Variants in TIAM1 observed in about 807,000 individuals in gnomAD.
TIAM1 encodes the protein rho guanine nucleotide exchange factor TIAM1.
Under a neutral mutation model 163.5 loss-of-function variants are expected in TIAM1, and 65 were observed. The ratio of observed to expected loss-of-function variants is 0.40; its 90% CI spans 0.33 to 0.49. The LOEUF (loss-of-function observed/expected upper bound fraction) is 0.49, where lower values mean the gene tolerates loss of function less well. Ranked by LOEUF, TIAM1 falls within the 20% of genes least tolerant of loss-of-function variation. The pLI is 0.77. For missense variants in TIAM1, 1,789 were observed against 2,044.7 expected (o/e 0.87, Z 2.41); for synonymous variants, 833 against 810.1 (o/e 1.03, Z -0.48).
chr21:31,149,834 CTAACT>C (rs888702380), intron 19 of TIAM1, among the ~76,000 whole-genome samples: 3 of 152,154 alleles, frequency 2.0e-5, no homozygotes, highest in East Asian at 3.9e-4. Context: ...TACAATGAAC[CTAACT>C]TATTTCAAAT....
In TIAM1 at chr21:31,458,303, C is replaced by G. The variant is rs142395916; in HGVS notation, c.-369+5680G>C. Reference sequence around the variant, plus strand: ...GCATAGGGGGCGGGCGCCTGTAATCCCAGCTACTCAGGAGGCTGTGGCAGG... The same window carrying G: ...GCATAGGGGGCGGGCGCCTGTAATCGCAGCTACTCAGGAGGCTGTGGCAGG... On this transcript the variant is annotated intron_variant, in intron 2 of 28. Transcript: ENST00000286827. 4.6e-3 allele frequency among the ~76,000 whole-genome samples: 693 copies of G among 152,020 alleles called. 1 individual carries two copies. The highest frequency in any genetic ancestry group is 0.024 in the Middle Eastern group (7 of 294).
chr21:31,181,210 G>A (rs566138183), intron 15 of TIAM1, among the ~76,000 whole-genome samples: 1 of 152,258 alleles, frequency 6.6e-6, no homozygotes. Context: ...CTCTCTTGCT[G>A]AACAAGAAAG....
intron 1 of TIAM1, among the ~76,000 whole-genome samples, chr21:31,471,624 C>T (rs899044533): frequency 7.9e-5 from 12 of 152,004 alleles, no homozygotes; most frequent in Non-Finnish European, 1.8e-4. Context: ...AATCCCAGCA[C>T]TTTGGGAGGC....
chr21:31,156,032 TA>T (rs1484055706), intron 16 of TIAM1, among the ~76,000 whole-genome samples: 1 of 152,134 alleles, frequency 6.6e-6, no homozygotes, highest in African/African-American at 2.4e-5. Context: ...TCAGAAAAGC[TA>T]AAATCAAGTG....
chr21:31,546,063 TA>T (rs1190156532), intron 1 of TIAM1, among the ~76,000 whole-genome samples: 4 of 121,600 alleles, frequency 3.3e-5, no homozygotes, highest in African/African-American at 1.2e-4. Context: ...AAAATTGTTT[TA>T]ATTTATTTTA....
chr21:31,234,237 G>C (rs1307889941), intron 6 of TIAM1, among the ~76,000 whole-genome samples: 1 of 151,634 alleles, frequency 6.6e-6, no homozygotes, highest in African/African-American at 2.4e-5. Context: ...GGAGATGCAA[G>C]GGAATCTAAA....
intron 2 of TIAM1, among the ~76,000 whole-genome samples, chr21:31,427,649 T>G (rs1350532549): frequency 6.6e-6 from 1 of 151,570 alleles, no homozygotes; most frequent in Non-Finnish European, 1.5e-5. Flanking sequence ...TAACGAGACC[T>G]CATATCTATG....
At chr21:31,151,181 T>C (rs1253806237) in intron 19 of TIAM1, among the ~76,000 whole-genome samples, 4 of 152,074 alleles carry the variant, frequency 2.6e-5, no homozygotes, top group Non-Finnish European at 5.9e-5. Context: ...AAGTTAAACA[T>C]ACCCTTACCA....
At chr21:31,175,419 C>T (rs565851471) in intron 15 of TIAM1, among the ~76,000 whole-genome samples, 8 of 152,304 alleles carry the variant, frequency 5.3e-5, no homozygotes, top group Admixed American at 1.3e-4. Flanking sequence ...TTTGAAACTT[C>T]GGAAAGACAC....
At chr21:31,538,506 T>C (rs993744718) in intron 1 of TIAM1, among the ~76,000 whole-genome samples, 14 of 152,212 alleles carry the variant, frequency 9.2e-5, no homozygotes, top group Non-Finnish European at 1.9e-4. Flanking sequence ...AGTAAATATA[T>C]ACATAATGTT....
intron 1 of TIAM1, among the ~76,000 whole-genome samples, chr21:31,501,003 C>T (rs2046829155): frequency 6.6e-6 from 1 of 152,170 alleles, no homozygotes; most frequent in Non-Finnish European, 1.5e-5. Context: ...TAATAAATAA[C>T]ATTTCAGGAA....
intron 8 of TIAM1, among the ~76,000 whole-genome samples, chr21:31,220,010 G>C (rs2087468898): frequency 6.6e-6 from 1 of 152,172 alleles, no homozygotes; most frequent in South Asian, 2.1e-4. Context: ...TGTCAACACT[G>C]AATAAATGGT....
intron 1 of TIAM1, among the ~76,000 whole-genome samples, chr21:31,342,406 C>T (rs1602048700): frequency 6.6e-6 from 1 of 151,582 alleles, no homozygotes; most frequent in East Asian, 1.9e-4. Context: ...CTTTCTCTCA[C>T]ATCTACACGG....
chr21:31,552,528 C>A (rs1359945942), intron 1 of TIAM1, among the ~76,000 whole-genome samples: 1 of 152,134 alleles, frequency 6.6e-6, no homozygotes, highest in African/African-American at 2.4e-5. Context: ...AATCCCAGCA[C>A]TTTGGGAGGC....
chr21:31,178,200 C>T (rs1007388468), intron 15 of TIAM1, among the ~76,000 whole-genome samples: 1 of 151,620 alleles, frequency 6.6e-6, no homozygotes, highest in Admixed American at 6.6e-5. Context: ...GAAGCAGAAG[C>T]AATCAGAAGG....
intron 6 of TIAM1, among the ~76,000 whole-genome samples, chr21:31,238,839 T>C (rs1183460641): frequency 6.6e-6 from 1 of 152,156 alleles, no homozygotes; most frequent in African/African-American, 2.4e-5. Context: ...ATAGGCTTGA[T>C]TTGAGTTGAG....
intron 1 of TIAM1, among the ~76,000 whole-genome samples, chr21:31,469,571 G>A (rs997437578): frequency 6.6e-6 from 1 of 152,126 alleles, no homozygotes; most frequent in African/African-American, 2.4e-5. Flanking sequence ...GCTCACGCCT[G>A]TAATCCCAGC....
chr21:31,275,388 G>C (rs2073253453), intron 3 of TIAM1, among the ~76,000 whole-genome samples: 2 of 152,092 alleles, frequency 1.3e-5, no homozygotes, highest in Non-Finnish European at 2.9e-5. Context: ...AGAGAGTAAG[G>C]ATGTGGGCAC....
intron 1 of TIAM1, among the ~76,000 whole-genome samples, chr21:31,474,060 C>T (rs1049931411): frequency 3.9e-5 from 6 of 152,190 alleles, no homozygotes; most frequent in African/African-American, 1.2e-4. Context: ...CGAGAGAGAG[C>T]GCAAGAGAGA....
Sources: gnomAD v4.1 joint callset for allele counts (sites outside exome capture counted in the v4.1 genomes callset) on GRCh38, gnomAD v4.1.1 for gene constraint, MANE v1.5 for transcripts, NCBI Gene and HGNC (gene_info 2026-07-23, HGNC 2026-07-21) for gene names.